GRIK4: variants seen among roughly 807,000 people sequenced by gnomAD.
GRIK4 encodes the protein glutamate ionotropic receptor kainate type subunit 4.
In GRIK4, 40 loss-of-function variants were observed where a neutral mutation model predicts 104.9. The observed-to-expected ratio is 0.38, with a 90% CI of 0.30 to 0.50. The LOEUF is 0.50. Ranked by LOEUF, GRIK4 falls within the 20% of genes least tolerant of loss-of-function variation. GRIK4 has a pLI of 0.93. For missense variants in GRIK4, 1,047 were observed against 1,308.1 expected, an observed-to-expected ratio of 0.80 and a Z score of 3.08; for synonymous variants, 485 against 524.9, an observed-to-expected ratio of 0.92 and a Z score of 1.04.
chr11:120,565,910 GAC>G (rs1948315938), intron 1 of GRIK4, among the ~76,000 whole-genome samples: 1 of 152,212 alleles, frequency 6.6e-6, no homozygotes, highest in Admixed American at 6.5e-5. Context: ...AAAGAGTTGA[GAC>G]ACACGTGGTT....
rs1250492209 is a variant in GRIK4, at chr11:120,875,218, A to C, written c.1139A>C (p.Gln380Pro). ...QRSNYALKILQFTRNGFRQIG... is the reference protein window; with the variant it reads ...QRSNYALKILPFTRNGFRQIG... ...TCCAACTACGCTTTGAAAATCTTAC[A>C]GTTCACAAGGAATGGTTTTCGGCAG... Residue 380 changes from glutamine (Q) to proline (P), a missense_variant, in exon 11 of 21, where the codon CAG becomes CCG. Around this residue, in one of 3 missense-constraint regions of GRIK4, gnomAD observed 447 missense variants for 514.9 expected, o/e 0.87. Coordinates refer to ENST00000527524, the MANE Select transcript of GRIK4 (RefSeq NM_014619.5). 6.2e-7 allele frequency: 1 copy of C among 1,612,572 alleles called. No homozygotes were observed. Among genetic ancestry groups the C allele is most frequent in the Admixed American group, 1.7e-5 (1 of 60,026 alleles).
intron 3 of GRIK4, among the ~76,000 whole-genome samples, chr11:120,719,886 G>A (rs761042837): frequency 6.6e-6 from 1 of 151,904 alleles, no homozygotes; most frequent in Non-Finnish European, 1.5e-5. Flanking sequence ...AGCTGCTGCT[G>A]TTATCCATTT....
At chr11:120,569,647 G>C (rs1363136675) in intron 1 of GRIK4, among the ~76,000 whole-genome samples, 3 of 152,212 alleles carry the variant, frequency 2.0e-5, no homozygotes, top group African/African-American at 7.2e-5. Context: ...GTGATGCGTA[G>C]AGTGACTTTG....
At chr11:120,969,419 G>A (rs1030366445) in intron 19 of GRIK4, among the ~76,000 whole-genome samples, 1 of 152,128 alleles carries the variant, frequency 6.6e-6, no homozygotes, top group Non-Finnish European at 1.5e-5. Flanking sequence ...TGGATGTGGG[G>A]CAGGAGTCAG....
At chr11:120,982,295 A>G in intron 20 of GRIK4, 71 bp downstream of exon 20, 1 of 852,606 alleles carries the variant, frequency 1.2e-6, no homozygotes, top group Non-Finnish European at 2.0e-6. Context: ...ATGCACATAT[A>G]AGGTTATTTC....
chr11:120,575,481 A>G (rs1015867562), intron 1 of GRIK4, among the ~76,000 whole-genome samples: 2 of 152,052 alleles, frequency 1.3e-5, no homozygotes, highest in Non-Finnish European at 2.9e-5. Context: ...AACATTTTGC[A>G]AGAAATGCAA....
chr11:120,678,374 A>C (rs1000027706), intron 3 of GRIK4, among the ~76,000 whole-genome samples: 1 of 152,180 alleles, frequency 6.6e-6, no homozygotes. Context: ...CCAAGTCTGC[A>C]TGCTGGCTTT....
At chr11:120,811,916 C>G (rs1346144670) in intron 4 of GRIK4, among the ~76,000 whole-genome samples, 1 of 152,142 alleles carries the variant, frequency 6.6e-6, no homozygotes, top group Non-Finnish European at 1.5e-5. Context: ...GGCCACGTAA[C>G]TCTGAGTCAG....
intron 2 of GRIK4, among the ~76,000 whole-genome samples, chr11:120,659,080 C>T (rs1949768866): frequency 6.6e-6 from 1 of 152,054 alleles, no homozygotes; most frequent in Admixed American, 6.5e-5. Context: ...AATCCAGGCA[C>T]CTGGGATTAG....
At chr11:120,650,290 G>C (rs1403405042) in intron 1 of GRIK4, among the ~76,000 whole-genome samples, 6 of 152,198 alleles carry the variant, frequency 3.9e-5, no homozygotes, top group Admixed American at 3.9e-4. Flanking sequence ...AGAGGGAGAG[G>C]GGACAGGCTT....
intron 1 of GRIK4, among the ~76,000 whole-genome samples, chr11:120,627,423 G>A (rs372631366): frequency 3.9e-5 from 6 of 152,212 alleles, no homozygotes; most frequent in South Asian, 4.1e-4. Flanking sequence ...GTGAATGTGG[G>A]CACTTCCCCT....
At chr11:120,641,034 C>A (rs74772313) in intron 1 of GRIK4, among the ~76,000 whole-genome samples, 6,227 of 152,326 alleles carry the variant, frequency 0.041, 377 homozygotes, top group African/African-American at 0.13. Context: ...ACCTTTTTAA[C>A]GATGGTGCAA....
intron 1 of GRIK4, among the ~76,000 whole-genome samples, chr11:120,584,979 C>T (rs1022169521): frequency 3.9e-5 from 6 of 152,140 alleles, no homozygotes; most frequent in African/African-American, 1.4e-4. Flanking sequence ...AGGATTTTTG[C>T]ATCTGTTAAT....
chr11:120,515,683 A>G (rs1441734933), intron 1 of GRIK4, among the ~76,000 whole-genome samples: 4 of 152,196 alleles, frequency 2.6e-5, no homozygotes, highest in African/African-American at 7.2e-5. Flanking sequence ...CTGTTCTTCA[A>G]CATCCTGTAA....
At chr11:120,899,418 C>CAAAAA (rs57401981) in intron 12 of GRIK4, among the ~76,000 whole-genome samples, 1 of 71,836 alleles carries the variant, frequency 1.4e-5, no homozygotes, top group South Asian at 4.8e-4. Flanking sequence ...GAGACTGTCT[C>CAAAAA]AAAAAAAAAA....
intron 7 of GRIK4, 81 bp from the exon 8 acceptor site, chr11:120,836,710 A>G: frequency 1.2e-6 from 1 of 860,182 alleles, no homozygotes; most frequent in Non-Finnish European, 2.0e-6. Flanking sequence ...GACAAATGGT[A>G]GACACTTGGA....
In GRIK4 at chr11:120,986,256, A is replaced by C. The variant is rs943081266; in HGVS notation, c.2867A>C (p.Glu956Ala). ...WEKTTNSSEP[E>A] ...AAAACCACCAACAGCAGCGAGCCCG[A>C]GTAGTCCCGGAGGCCACAGGACGCG... Residue 956 changes from glutamate to alanine, a missense_variant, in exon 21 of 21, where the codon GAG (glutamate) becomes GCG (alanine). Transcript: ENST00000527524. 1.9e-5 allele frequency: 27 copies of C among 1,387,314 alleles called. No individual in the cohort carries two copies. The highest frequency in any genetic ancestry group is 2.2e-4 in the Middle Eastern group (1 of 4,560). The allele number at this position is 1,387,314 out of a possible 1,614,324, so 85.9% of individuals were successfully genotyped here.
At chr11:120,761,275 G>A (rs1201370675) in intron 3 of GRIK4, among the ~76,000 whole-genome samples, 2 of 152,044 alleles carry the variant, frequency 1.3e-5, no homozygotes, top group South Asian at 2.1e-4. Flanking sequence ...CATATCCTTC[G>A]CCCACTTTTT....
rs187460326 is a variant in GRIK4, at chr11:120,814,342, G to C, written c.248-1036G>C. 2.0e-5 allele frequency among the ~76,000 whole-genome samples: 3 copies of C among 152,288 alleles called. No individual in the cohort carries two copies. The East Asian group carries it at 5.8e-4, about 29-fold the overall frequency. ...TGGTGGGGTGCGGTGGCTCATGCCT[G>C]TAATCCCAGCACTTCGGGAGGCCAA... On this transcript the variant is annotated intron_variant, in intron 4 of 20. Coordinates refer to ENST00000527524, the MANE Select transcript of GRIK4 (RefSeq NM_014619.5).
Sources: gnomAD v4.1 joint callset for allele counts (sites outside exome capture counted in the v4.1 genomes callset) on GRCh38, gnomAD v4.1.1 for gene constraint, gnomAD v4.1.1 regional missense constraint, MANE v1.5 for transcripts, NCBI Gene and HGNC (gene_info 2026-07-23, HGNC 2026-07-21) for gene names.